KCNQ5: variants seen among roughly 807,000 people sequenced by gnomAD.
KCNQ5 encodes potassium voltage-gated channel subfamily KQT member 5.
Under a neutral mutation model 98.2 loss-of-function variants are expected in KCNQ5, and 30 were observed. That is an observed-to-expected ratio of 0.31 (90% CI 0.23 to 0.41). The LOEUF (loss-of-function observed/expected upper bound fraction) is 0.41, where lower values mean the gene tolerates loss of function less well. Ranked by LOEUF, KCNQ5 falls within the 10% of genes least tolerant of loss-of-function variation. KCNQ5 has a pLI of 1.00. For synonymous variants in KCNQ5, 458 were observed against 449.4 expected, an observed-to-expected ratio of 1.02 and a Z score of -0.24; for missense variants, 835 against 1,182.5, an observed-to-expected ratio of 0.71 and a Z score of 4.31.
At chr6:73,077,733 T>A in intron 4 of KCNQ5, 29 bp from the exon 5 acceptor site, 1 of 1,584,252 alleles carries the variant, frequency 6.3e-7, no homozygotes, top group Non-Finnish European at 8.6e-7. Context: ...TTCCCACCTC[T>A]AAAAATCTTT....
chr6:73,071,527 C>T (rs113402721), intron 3 of KCNQ5, among the ~76,000 whole-genome samples: 1 of 152,170 alleles, frequency 6.6e-6, no homozygotes, highest in Non-Finnish European at 1.5e-5. Context: ...ATGTGGCTCA[C>T]AGTTCTGCAG....
intron 1 of KCNQ5, among the ~76,000 whole-genome samples, chr6:72,890,233 A>G (rs1422131162): frequency 1.4e-5 from 2 of 142,430 alleles, no homozygotes; most frequent in African/African-American, 5.1e-5. Context: ...TACTAAGCAT[A>G]TTCATCACCT....
intron 1 of KCNQ5, among the ~76,000 whole-genome samples, chr6:72,624,253 A>G (rs2154471326): frequency 6.6e-6 from 1 of 152,360 alleles, no homozygotes; most frequent in Non-Finnish European, 1.5e-5. Flanking sequence ...ATATTACTTA[A>G]TAAGCCTGGT....
chr6:72,987,164 G>T, intron 1 of KCNQ5: 1 of 669,798 alleles, frequency 1.5e-6, no homozygotes, highest in Non-Finnish European at 2.8e-6. Flanking sequence ...AAAAGATGAA[G>T]TCCAAGAAGG....
At chr6:72,640,019 C>A (rs1009877170) in intron 1 of KCNQ5, among the ~76,000 whole-genome samples, 1 of 152,018 alleles carries the variant, frequency 6.6e-6, no homozygotes, top group Non-Finnish European at 1.5e-5. Context: ...ATAAATAACG[C>A]GATGTCTTGA....
Position 73,077,835 on chromosome 6 carries a change from A to G in KCNQ5, c.866A>G (p.Lys289Arg). The G allele has an allele frequency of 6.2e-7, 1 of 1,612,218 alleles. No homozygotes were observed. Residue 289 changes from lysine to arginine, a missense_variant, in exon 5 of 14, where the codon AAG becomes AGG. This residue lies in a region of KCNQ5 where 30 missense variants were observed against 132.9 expected (regional missense o/e 0.23). Transcript: ENST00000370398. ...TCTTTCCTTGTCTATCTGGTGGAAA[A>G]GGATGCCAATAAAGAGTTTTCTACA... ...FSSFLVYLVE[K>R]DANKEFSTYA... is the part of the protein sequence containing the mutation.
chr6:73,152,388 G>A (rs1469328168), intron 10 of KCNQ5, among the ~76,000 whole-genome samples: 1 of 151,780 alleles, frequency 6.6e-6, no homozygotes, highest in East Asian at 1.9e-4. Context: ...AGGAGTTTTA[G>A]CTAATATTAT....
At chr6:73,157,495 C>A (rs1021594424) in intron 10 of KCNQ5, 8 of 705,370 alleles carry the variant, frequency 1.1e-5, no homozygotes, top group Non-Finnish European at 1.8e-5. Flanking sequence ...AGAACCAACT[C>A]CCCGGTGACC....
intron 1 of KCNQ5, among the ~76,000 whole-genome samples, chr6:72,813,674 G>A (rs939271279): frequency 1.3e-5 from 2 of 152,110 alleles, no homozygotes; most frequent in African/African-American, 2.4e-5. Context: ...AAATCTGCAG[G>A]TGCTTAAGTC....
At chr6:72,732,656 T>C (rs148503257) in intron 1 of KCNQ5, among the ~76,000 whole-genome samples, 1 of 152,302 alleles carries the variant, frequency 6.6e-6, no homozygotes, top group African/African-American at 2.4e-5. Context: ...AGTGCAGGAA[T>C]CACTGGAGGA....
intron 1 of KCNQ5, among the ~76,000 whole-genome samples, chr6:72,701,074 G>A (rs536194686): frequency 4.0e-4 from 61 of 152,300 alleles, no homozygotes; most frequent in African/African-American, 1.4e-3. Context: ...TAATACCAGA[G>A]ATATGAGGGG....
intron 3 of KCNQ5, chr6:73,055,632 T>A: frequency 8.4e-7 from 1 of 1,193,862 alleles, no homozygotes; most frequent in South Asian, 1.2e-5. Context: ...AAATGGGTAC[T>A]GACTGCAGCC....
chr6:73,039,267 C>T (rs1225135521), intron 2 of KCNQ5, among the ~76,000 whole-genome samples: 1 of 152,050 alleles, frequency 6.6e-6, no homozygotes, highest in African/African-American at 2.4e-5. Context: ...CTCAAGGAAC[C>T]ACTTTTTTGT....
intron 1 of KCNQ5, among the ~76,000 whole-genome samples, chr6:72,855,875 T>C (rs1299477048): frequency 6.6e-6 from 1 of 152,240 alleles, no homozygotes; most frequent in Non-Finnish European, 1.5e-5. Context: ...AATTTGTCAG[T>C]ATATCTGAAT....
At chr6:72,800,889 T>G (rs1413624596) in intron 1 of KCNQ5, among the ~76,000 whole-genome samples, 1 of 152,132 alleles carries the variant, frequency 6.6e-6, no homozygotes, top group African/African-American at 2.4e-5. Context: ...ATGTACCCAG[T>G]AGTCATTCAG....
intron 1 of KCNQ5, among the ~76,000 whole-genome samples, chr6:72,650,825 G>T (rs973634190): frequency 6.6e-6 from 1 of 152,024 alleles, no homozygotes; most frequent in African/African-American, 2.4e-5. Flanking sequence ...TCTAAAGGGA[G>T]AACACTCAGG....
At chr6:72,871,146 G>A (rs143834415) in intron 1 of KCNQ5, among the ~76,000 whole-genome samples, 2 of 152,052 alleles carry the variant, frequency 1.3e-5, no homozygotes, top group Non-Finnish European at 1.5e-5. Context: ...TTATCACCAC[G>A]AGCTTTTGAG....
At chr6:72,853,455 T>C (rs561125088) in intron 1 of KCNQ5, among the ~76,000 whole-genome samples, 1 of 152,246 alleles carries the variant, frequency 6.6e-6, no homozygotes, top group South Asian at 2.1e-4. Context: ...GCAATTCTCC[T>C]GTCTCAACCA....
intron 3 of KCNQ5, among the ~76,000 whole-genome samples, chr6:73,068,567 A>G (rs1023509405): frequency 6.6e-6 from 1 of 152,132 alleles, no homozygotes. Context: ...TACCTTTATT[A>G]TCTACATTTT....
Sources: gnomAD v4.1 joint callset for allele counts (sites outside exome capture counted in the v4.1 genomes callset) on GRCh38, gnomAD v4.1.1 for gene constraint, gnomAD v4.1.1 regional missense constraint, MANE v1.5 for transcripts, NCBI Gene and HGNC (gene_info 2026-07-23, HGNC 2026-07-21) for gene names.